The following VEPH1 variants were observed in gnomAD, a reference collection of about 807,000 sequenced individuals.
The protein encoded by VEPH1 is ventricular zone expressed PH domain containing 1, also known as ventricular zone-expressed PH domain-containing protein homolog 1.
A neutral mutation model predicts 85.2 loss-of-function variants in VEPH1; 80 were observed. The ratio of observed to expected loss-of-function variants is 0.94; its 90% CI spans 0.78 to 1.13. The LOEUF (loss-of-function observed/expected upper bound fraction) is 1.13, where lower values mean the gene tolerates loss of function less well. VEPH1 is among the 50% of genes most tolerant of loss of function. The pLI is 0.00. For synonymous variants in VEPH1, 297 were observed against 348.0 expected, an observed-to-expected ratio of 0.85 and a Z score of 1.63; for missense variants, 955 against 980.5, an observed-to-expected ratio of 0.97 and a Z score of 0.35.
chr3:157,298,214 A>T (rs73873630), intron 11 of VEPH1, among the ~76,000 whole-genome samples: 4 of 152,102 alleles, frequency 2.6e-5, no homozygotes, highest in African/African-American at 9.7e-5. Flanking sequence ...TAACAACCCT[A>T]TGAGGGAGGT....
chr3:157,473,908 T>A (rs530167784), intron 2 of VEPH1, among the ~76,000 whole-genome samples: 1 of 152,180 alleles, frequency 6.6e-6, no homozygotes, highest in Non-Finnish European at 1.5e-5. Flanking sequence ...CTTAGATCTA[T>A]CAATATGATA....
intron 4 of VEPH1, among the ~76,000 whole-genome samples, chr3:157,431,909 G>A (rs569593487): frequency 6.5e-4 from 99 of 151,790 alleles, no homozygotes; most frequent in South Asian, 2.3e-3. Flanking sequence ...GTGCAGTGGC[G>A]TGATCTTGGC....
intron 3 of VEPH1, among the ~76,000 whole-genome samples, chr3:157,469,341 T>G (rs959362738): frequency 6.6e-6 from 1 of 152,118 alleles, no homozygotes; most frequent in Non-Finnish European, 1.5e-5. Flanking sequence ...GGAAGAAGAA[T>G]AAAGGACGCT....
In VEPH1 at chr3:157,260,438, A is replaced by G. The variant is rs1035030475; in HGVS notation, c.*696T>C. ...GAAAATGGCTTTCTATCCTTTTCCT[A>G]TATTACACTTAGTGCCTTGGGCAGG... On this transcript the variant is annotated 3_prime_UTR_variant, in exon 14 of 14. Transcript: ENST00000362010. 1.3e-5 allele frequency: 2 copies of G among 152,204 alleles called. No individual in the cohort carries two copies. The highest frequency in any genetic ancestry group is 1.5e-5 in the Non-Finnish European group (1 of 68,032). The allele number at this position is 152,204 out of a possible 1,614,324, so 9.4% of individuals were successfully genotyped here. A position where few individuals can be genotyped will look rare whatever the true frequency, so the allele number is the denominator to read the frequency against.
intron 5 of VEPH1, among the ~76,000 whole-genome samples, chr3:157,425,207 C>T (rs1220538755): frequency 6.6e-6 from 1 of 152,132 alleles, no homozygotes; most frequent in Non-Finnish European, 1.5e-5. Flanking sequence ...TGTGGGTGCA[C>T]AAAAGTCAAG....
At chr3:157,327,207 G>C (rs1259949546) in intron 9 of VEPH1, among the ~76,000 whole-genome samples, 1 of 152,138 alleles carries the variant, frequency 6.6e-6, no homozygotes, top group Non-Finnish European at 1.5e-5. Flanking sequence ...GGACATTAAT[G>C]CTTTCCACCA....
chr3:157,487,926 ACATTATG>A (rs1320267214), intron 2 of VEPH1, among the ~76,000 whole-genome samples: 2 of 152,260 alleles, frequency 1.3e-5, no homozygotes, highest in East Asian at 3.9e-4. Flanking sequence ...CCTGGAGCAA[ACATTATG>A]CTTACACTGA....
intron 2 of VEPH1, among the ~76,000 whole-genome samples, chr3:157,488,663 G>A (rs943407366): frequency 3.3e-5 from 5 of 151,836 alleles, no homozygotes; most frequent in African/African-American, 9.7e-5. Flanking sequence ...AGTCTGACAA[G>A]TTCCAAAATT....
intron 6 of VEPH1, among the ~76,000 whole-genome samples, chr3:157,402,929 T>C (rs1730881267): frequency 6.6e-6 from 1 of 152,192 alleles, no homozygotes; most frequent in South Asian, 2.1e-4. Flanking sequence ...AGCCAACTGT[T>C]AGATGCATAT....
intron 11 of VEPH1, among the ~76,000 whole-genome samples, chr3:157,298,471 G>T (rs1391339836): frequency 1.3e-5 from 2 of 152,158 alleles, no homozygotes; most frequent in Admixed American, 6.5e-5. Context: ...TGCAAAATCT[G>T]CAGAGGCCCT....
chr3:157,397,852 C>A (rs10936089), intron 6 of VEPH1, among the ~76,000 whole-genome samples: 68,768 of 152,018 alleles, frequency 0.45, 16,011 homozygotes, highest in Admixed American at 0.58. Context: ...GCAGAGCGCA[C>A]AACCACATGC....
chr3:157,360,536 C>T (rs931508104), intron 9 of VEPH1, among the ~76,000 whole-genome samples: 1 of 151,928 alleles, frequency 6.6e-6, no homozygotes, highest in African/African-American at 2.4e-5. Flanking sequence ...TGCTTTTTGA[C>T]TTATGATGGG....
intron 2 of VEPH1, among the ~76,000 whole-genome samples, chr3:157,474,892 G>T (rs1262844078): frequency 1.3e-5 from 2 of 151,456 alleles, no homozygotes; most frequent in African/African-American, 4.8e-5. Flanking sequence ...ACATCAAAAT[G>T]ATTTGCTTTA....
intron 1 of VEPH1, chr3:157,499,428 T>TA (rs1268862931): frequency 7.9e-5 from 12 of 152,166 alleles, no homozygotes; most frequent in Admixed American, 7.9e-4. Context: ...CCCTTGCAGT[T>TA]ACTCAGCTGC....
chr3:157,481,489 A>G (rs1738089365), intron 2 of VEPH1, among the ~76,000 whole-genome samples: 1 of 140,234 alleles, frequency 7.1e-6, no homozygotes, highest in Non-Finnish European at 1.5e-5. Context: ...AAAAAAAACA[A>G]TCCTAAGCAA....
intron 2 of VEPH1, among the ~76,000 whole-genome samples, chr3:157,493,950 A>C (rs561967787): frequency 5.4e-4 from 83 of 152,308 alleles, no homozygotes; most frequent in African/African-American, 1.9e-3. Context: ...GGAGTGTGAA[A>C]GAAGGGGTTT....
chr3:157,309,968 C>T (rs1017702626), intron 11 of VEPH1, among the ~76,000 whole-genome samples: 1 of 151,896 alleles, frequency 6.6e-6, no homozygotes, highest in African/African-American at 2.4e-5. Context: ...TTAGTAGAGA[C>T]GGGGTTTCCC....
intron 11 of VEPH1, among the ~76,000 whole-genome samples, chr3:157,298,500 C>T (rs760587286): frequency 6.6e-6 from 1 of 152,180 alleles, no homozygotes; most frequent in Non-Finnish European, 1.5e-5. Context: ...GCATTTTTAA[C>T]AAGCGCCCCA....
chr3:157,323,765 G>C (rs923570037), intron 9 of VEPH1, among the ~76,000 whole-genome samples: 1 of 152,050 alleles, frequency 6.6e-6, no homozygotes, highest in Non-Finnish European at 1.5e-5. Flanking sequence ...AGCCATAGGT[G>C]TACAAAGACC....
Sources: allele counts gnomAD v4.1 joint callset (sites outside exome capture counted in the v4.1 genomes callset), GRCh38; gene constraint gnomAD v4.1.1; transcripts MANE v1.5; gene names NCBI Gene and HGNC (gene_info 2026-07-23, HGNC 2026-07-21).